The following HBS1L variants were observed in gnomAD, a reference collection of about 807,000 sequenced individuals.
HBS1L encodes the protein HBS1 like translational GTPase.
Under a neutral mutation model 88.9 loss-of-function variants are expected in HBS1L, and 55 were observed. That is an observed-to-expected ratio of 0.62 (90% CI 0.50 to 0.77). HBS1L has a LOEUF of 0.77. HBS1L is among the 30% of genes least tolerant of loss of function. HBS1L has a pLI of 0.00. For missense variants in HBS1L, 741 were observed against 829.3 expected, an observed-to-expected ratio of 0.89 and a Z score of 1.31; for synonymous variants, 267 against 288.5, an observed-to-expected ratio of 0.93 and a Z score of 0.76.
chr6:135,020,898 T>C (rs907730881), intron 4 of HBS1L, among the ~76,000 whole-genome samples: 3 of 151,608 alleles, frequency 2.0e-5, no homozygotes, highest in Non-Finnish European at 3.0e-5. Context: ...AAATGAAGAG[T>C]TGTTTAATGT....
intron 4 of HBS1L, among the ~76,000 whole-genome samples, chr6:135,020,668 G>A (rs1001210568): frequency 3.9e-5 from 6 of 152,030 alleles, no homozygotes; most frequent in Non-Finnish European, 1.5e-5. Flanking sequence ...GAAGAAGTGT[G>A]CTAAAAGTAC....
chr6:134,969,673 A>G (rs1420754209), intron 15 of HBS1L, among the ~76,000 whole-genome samples: 1 of 152,216 alleles, frequency 6.6e-6, no homozygotes, highest in East Asian at 1.9e-4. Flanking sequence ...TTCGTCATTT[A>G]GAACAAATGT....
intron 7 of HBS1L, among the ~76,000 whole-genome samples, chr6:134,994,690 G>A (rs1004394555): frequency 2.6e-5 from 4 of 152,116 alleles, no homozygotes; most frequent in African/African-American, 7.2e-5. Flanking sequence ...CATGAGATCA[G>A]ATGTAGAATG....
At position 134,982,497 on chromosome 6, in the gene HBS1L, G is replaced by GT. The variant is rs35375007; in HGVS notation, c.1557dup (p.Leu520ThrfsTer7). 6.2e-7 allele frequency: 1 copy of GT among 1,611,420 alleles called. No homozygotes were observed. The highest frequency in any genetic ancestry group is 8.5e-7 in the Non-Finnish European group (1 of 1,178,092). On this transcript the variant is annotated frameshift_variant, in exon 13 of 18. Transcript: ENST00000367837. LOFTEE classifies it high-confidence loss of function. ...GTTTCATTAGGAGGCATTGCCAGTA[G>GT]TCGGTCACCAGTTTGGATATAACCA...
rs1361424748 is a variant in HBS1L, at chr6:134,961,839, T to A, written c.*3440A>T. ...TCTCTCTTGCTGCAGCAAGCATCAA[T>A]AAAACTAATTTTGATTATAATTATG... On this transcript the variant is annotated 3_prime_UTR_variant, in exon 18 of 18. Transcript: ENST00000367837. 6.6e-6 allele frequency: 1 copy of A among 151,540 alleles called. No individual in the cohort carries two copies. The highest frequency in any genetic ancestry group is 1.5e-5 in the Non-Finnish European group (1 of 68,018). 9.4% of individuals were successfully genotyped at this position (151,540 alleles called of 1,614,324 possible).
chr6:134,979,138 T>C (rs1774741162), intron 14 of HBS1L, 40 bp downstream of exon 14: 1 of 1,439,754 alleles, frequency 6.9e-7, no homozygotes, highest in South Asian at 1.2e-5. Flanking sequence ...TGAGGTCCTA[T>C]ATGAAGACAA....
At chr6:135,037,289 G>A (rs1187880859) in intron 4 of HBS1L, 2 of 1,551,728 alleles carry the variant, frequency 1.3e-6, no homozygotes, top group Admixed American at 3.9e-5. Flanking sequence ...GTAAAGCACT[G>A]GCTTATATTG....
chr6:134,985,729 A>G (rs1289936353), intron 11 of HBS1L, among the ~76,000 whole-genome samples: 1 of 152,168 alleles, frequency 6.6e-6, no homozygotes, highest in Non-Finnish European at 1.5e-5. Context: ...AAAATCCAAA[A>G]AAAAAATTTC....
At chr6:135,050,838 A>G (rs1473842447) in intron 1 of HBS1L, among the ~76,000 whole-genome samples, 191 bp from the exon 2 acceptor site, 1 of 152,258 alleles carries the variant, frequency 6.6e-6, no homozygotes, top group African/African-American at 2.4e-5. Flanking sequence ...CTCTATATTT[A>G]TAAAGACATA....
chr6:135,047,063 G>C (rs73774556), intron 2 of HBS1L, among the ~76,000 whole-genome samples: 1 of 152,064 alleles, frequency 6.6e-6, no homozygotes, highest in Admixed American at 6.6e-5. Context: ...TGGCTTCTTG[G>C]TGTGTTTGAA....
At chr6:135,023,572 A>G (rs1440388939) in intron 4 of HBS1L, among the ~76,000 whole-genome samples, 1 of 152,224 alleles carries the variant, frequency 6.6e-6, no homozygotes, top group Admixed American at 6.5e-5. Context: ...ATGAAATGGC[A>G]AAACAATGCT....
At chr6:135,026,439 AAAAC>A (rs2114868437) in intron 4 of HBS1L, among the ~76,000 whole-genome samples, 1 of 152,304 alleles carries the variant, frequency 6.6e-6, no homozygotes, top group East Asian at 1.9e-4. Context: ...CACAAAGATA[AAAAC>A]AAACACAAAT....
intron 4 of HBS1L, among the ~76,000 whole-genome samples, chr6:135,032,220 C>G (rs1413713640): frequency 1.3e-5 from 2 of 151,350 alleles, no homozygotes; most frequent in Non-Finnish European, 2.9e-5. Flanking sequence ...AAAGACCATT[C>G]AGAAATATCA....
intron 4 of HBS1L, among the ~76,000 whole-genome samples, chr6:135,018,642 A>G (rs942297743): frequency 6.6e-6 from 1 of 152,022 alleles, no homozygotes. Flanking sequence ...TCCTTTAAAA[A>G]GGAGATTTAT....
intron 4 of HBS1L, among the ~76,000 whole-genome samples, chr6:135,007,656 C>T (rs1775650753): frequency 6.6e-6 from 1 of 152,096 alleles, no homozygotes; most frequent in South Asian, 2.1e-4. Context: ...ACTCTACTGA[C>T]ATAAGTCAGA....
chr6:134,991,080 C>T (rs947027952), intron 8 of HBS1L, among the ~76,000 whole-genome samples: 9 of 150,368 alleles, frequency 6.0e-5, no homozygotes, highest in Admixed American at 4.0e-4. Context: ...CACACACACA[C>T]ACATATACAC....
intron 4 of HBS1L, among the ~76,000 whole-genome samples, chr6:135,012,612 A>T (rs535165628): frequency 8.5e-5 from 13 of 152,224 alleles, no homozygotes; most frequent in African/African-American, 2.9e-4. Context: ...TCTACTTGTA[A>T]ATTTAGTCTT....
intron 15 of HBS1L, among the ~76,000 whole-genome samples, chr6:134,974,449 A>G (rs943305601): frequency 6.6e-6 from 1 of 152,162 alleles, no homozygotes; most frequent in Admixed American, 6.5e-5. Flanking sequence ...AGGAAAGGAC[A>G]TAACAAAAAA....
chr6:135,019,615 A>G (rs1776016501), intron 4 of HBS1L, among the ~76,000 whole-genome samples: 1 of 151,866 alleles, frequency 6.6e-6, no homozygotes, highest in Non-Finnish European at 1.5e-5. Context: ...CTTCTTTAAT[A>G]CATTTTACCT....
Sources: gnomAD v4.1 joint callset for allele counts (sites outside exome capture counted in the v4.1 genomes callset) on GRCh38, gnomAD v4.1.1 for gene constraint, MANE v1.5 for transcripts, NCBI Gene and HGNC (gene_info 2026-07-23, HGNC 2026-07-21) for gene names.